The following TTN variants were observed in gnomAD, a reference collection of about 807,000 sequenced individuals.
The protein encoded by TTN is titin.
TTN carries 1,525 observed loss-of-function variants against 3,223.0 expected under a neutral mutation model. That is an observed-to-expected ratio of 0.47 (90% CI 0.45 to 0.49). TTN has a LOEUF of 0.49. TTN is among the 20% of genes least tolerant of loss of function. The probability of loss-of-function intolerance (pLI) is 0.00; values close to 1 mark genes in which losing one functional copy is unlikely to be tolerated. For missense variants in TTN, 40,786 were observed against 43,424.0 expected, an observed-to-expected ratio of 0.94 and a Z score of 5.40; for synonymous variants, 14,094 against 15,161.0, an observed-to-expected ratio of 0.93 and a Z score of 5.17.
At position 178,706,973 on chromosome 2, in the gene TTN, G is replaced by A. The variant is rs1430170268; in HGVS notation, c.29042-19C>T. ...GGTTTGTCTGAAAAAACATTTACAT[G>A]TTTTGTTACTACAATCACCTCAGAA... On this transcript the variant is annotated intron_variant, in intron 100 of 362. Coordinates refer to ENST00000589042, the MANE Select transcript of TTN (RefSeq NM_001267550.2). The A allele has an allele frequency of 6.3e-7, 1 of 1,584,034 alleles. No homozygotes were observed. Among genetic ancestry groups the A allele is most frequent in the East Asian group, 2.3e-5 (1 of 44,202 alleles).
At position 178,715,582 on chromosome 2, in the gene TTN, T is replaced by C. The variant is rs779262321; in HGVS notation, c.25832A>G (p.Asn8611Ser). The change falls in exon 89 of 363, where the codon AAT becomes AGT. Residue 8611 changes from asparagine (N) to serine (S), a missense_variant. Asn to Ser is a conservative substitution (Grantham distance 46). Transcript: ENST00000589042. Reference protein sequence around the residue: ...VDSVAVLEMHNLSVEDSGDYT... With the variant: ...VDSVAVLEMHSLSVEDSGDYT... ...GTCTCCACTGTCTTCAACACTGAGATTGTGCATTTCCAGCACAGCCACCGA... is the reference window on the plus strand; with the variant it reads ...GTCTCCACTGTCTTCAACACTGAGACTGTGCATTTCCAGCACAGCCACCGA... The C allele has an allele frequency of 2.2e-5, 35 of 1,613,460 alleles. No homozygotes were observed. In the East Asian group the frequency reaches 6.5e-4, roughly 30 times the overall value.
rs376616067 is a variant in TTN at position 178,563,448 on chromosome 2, A to G, written c.82684T>C (p.Tyr27562His). 96 of 1,613,628 alleles carry G rather than the reference A, an allele frequency of 5.9e-5. No individual in the cohort carries two copies. In the African/African-American group the frequency reaches 9.6e-4, roughly 16 times the overall value. Residue 27562 changes from tyrosine (Y) to histidine (H), a missense_variant, in exon 326 of 363, where the codon TAC (tyrosine) becomes CAC (histidine). By Grantham distance (83) the Tyr-to-His change is moderately conservative. Transcript: ENST00000589042. This position sits in a 1 kb window ranked among gnomAD's most constrained non-coding sequence, Gnocchi z 4.5. ...VGEPSEPSVF[Y>H]RACDALYPPG... ...GGATACAAGGCATCACACGCACGGT[A>G]GAAAACAGATGGCTCACTAGGTTCT...
At position 178,566,853 on chromosome 2, in the gene TTN, C is replaced by T. The variant is rs1157004476; in HGVS notation, c.79279G>A (p.Asp26427Asn). 6.2e-7 allele frequency: 1 copy of T among 1,613,450 alleles called. No homozygotes were observed. The change falls in exon 326 of 363, where the codon GAC (aspartate) becomes AAC (asparagine). Residue 26427 changes from aspartate (D) to asparagine (N), a missense_variant. Coordinates refer to ENST00000589042, the MANE Select transcript of TTN (RefSeq NM_001267550.2). ...TTTATCCATCGAATGCCACTTCTGT[C>T]TCTTTTCTCTACAATGTAACCAATA... ...EIIGYIVEKR[D>N]RSGIRWIKCN...
At chr2:178,628,190 T>TTTG (rs753053226) in intron 240 of TTN, among the ~76,000 whole-genome samples, 13 of 152,004 alleles carry the variant, frequency 8.6e-5, no homozygotes, top group Admixed American at 3.3e-4. Flanking sequence ...GAATACTAGT[T>TTTG]TTGTTGTTGT....
intron 11 of TTN, 58 bp downstream of exon 11, chr2:178,790,650 G>T: frequency 1.2e-6 from 2 of 1,612,410 alleles, no homozygotes. Context: ...TGAAAATGTA[G>T]GTGATTTGCA....
At position 178,564,636 on chromosome 2, in the gene TTN, C is replaced by T; in HGVS notation, c.81496G>A (p.Val27166Ile). ...GKPSKVSECF[V>I]ARDPCDPPGR... ...GGTGGGTCACATGGATCACGAGCAA[C>T]AAAGCATTCTGACACTTTGCTAGGC... Residue 27166 changes from valine (V) to isoleucine (I), a missense_variant, in exon 326 of 363, where the codon GTT becomes ATT. Physicochemically the swap from Val to Ile is conservative, Grantham distance 29. Coordinates refer to ENST00000589042, the MANE Select transcript of TTN (RefSeq NM_001267550.2). 2 of 1,613,550 alleles carry T rather than the reference C, an allele frequency of 1.2e-6. No individual in the cohort carries two copies. Among genetic ancestry groups the T allele is most frequent in the South Asian group, 1.1e-5 (1 of 91,076 alleles).
At position 178,729,759 on chromosome 2, in the gene TTN, A is replaced by G; in HGVS notation, c.18494T>C (p.Ile6165Thr). Residue 6165 changes from isoleucine (I) to threonine (T), a missense_variant, in exon 63 of 363, where the codon ATT (isoleucine) becomes ACT (threonine). Coordinates refer to ENST00000589042, the MANE Select transcript of TTN (RefSeq NM_001267550.2). ...ACTATTTTCTACCCTGGCACCAGAA[A>G]TCTGGAAAGTGGCTAAACCATCAAT... ...SFIDGLATFQISGARVENSGT... is the reference protein window; with the variant it reads ...SFIDGLATFQTSGARVENSGT... 1 of 1,613,776 alleles carries G rather than the reference A, an allele frequency of 6.2e-7. No individual in the cohort carries two copies. The highest frequency in any genetic ancestry group is 8.5e-7 in the Non-Finnish European group (1 of 1,179,750).
At chr2:178,685,188 A>C in intron 129 of TTN, 65 bp downstream of exon 129, 1 of 1,369,958 alleles carries the variant, frequency 7.3e-7, no homozygotes, top group Non-Finnish European at 1.0e-6. Context: ...CAGTTATGCA[A>C]ATGTGAAGGT....
intron 298 of TTN, 35 bp from the exon 299 acceptor site, chr2:178,593,510 A>C: frequency 1.3e-6 from 2 of 1,597,118 alleles, no homozygotes; most frequent in East Asian, 2.2e-5. Context: ...TTAGAAATTT[A>C]TTTCTTTATA....
In TTN at chr2:178,532,390, C is replaced by T. The variant is rs765636638; in HGVS notation, c.104225G>A (p.Ser34742Asn). The T allele has an allele frequency of 2.5e-6, 4 of 1,613,972 alleles. No individual in the cohort carries two copies. The South Asian group carries it at 4.4e-5, about 18-fold the overall frequency. Residue 34742 changes from serine (S) to asparagine (N), a missense_variant, in exon 358 of 363, where the codon AGT becomes AAT. Coordinates refer to ENST00000589042, the MANE Select transcript of TTN (RefSeq NM_001267550.2). The stretch of plus-strand genomic sequence containing the variant: ...ATGCCGTTCCCTCAGTTCTGCATAA[C>T]TTGTACTAGCTTCAGCCTTCGTTGG... ...HIPTKAEAST[S>N]YAELRERHAQ...
chr2:178,621,282 CT>C lies in TTN; in HGVS notation c.45435del (p.Glu15146LysfsTer31), dbSNP rs1292229247. ...CTCTTCCACTGGACTGGAAAGCTTT[CT>C]TTTGATATAGAGCAGACAAATTCAG... Reference protein sequence around the residue: ...EKAEFVCSISKESFPVQWKRD... With the variant: ...EKAEFVCSISXESFPVQWKRD... On this transcript the variant is annotated frameshift_variant, in exon 246 of 363. Coordinates refer to ENST00000589042, the MANE Select transcript of TTN (RefSeq NM_001267550.2). LOFTEE classifies it high-confidence loss of function. 1 of 1,612,200 alleles carries C rather than the reference CT, an allele frequency of 6.2e-7. No homozygotes were observed. The highest frequency in any genetic ancestry group is 1.1e-5 in the South Asian group (1 of 91,028).
In TTN at chr2:178,565,511, T is replaced by G; in HGVS notation, c.80621A>C (p.Lys26874Thr). The G allele has an allele frequency of 2.5e-6, 4 of 1,613,520 alleles. No homozygotes were observed. The highest frequency in any genetic ancestry group is 3.4e-6 in the Non-Finnish European group (4 of 1,179,606). Residue 26874 changes from lysine (K) to threonine (T), a missense_variant, in exon 326 of 363, where the codon AAG becomes ACG. Lys to Thr is a moderately conservative substitution (Grantham distance 78, BLOSUM62 -1). Transcript: ENST00000589042. ...TAAACTAGGCTGTATAGTCAAGTCC[T>G]TGGCTATGACAGGAACACCCAACAC... Reference protein sequence around the residue: ...PRVLGVPVIAKDLTIQPSLKL... With the variant: ...PRVLGVPVIATDLTIQPSLKL...
Position 178,571,436 on chromosome 2 carries a change from G to A in TTN, c.74696C>T (p.Pro24899Leu), listed in dbSNP as rs1708138833. Residue 24899 changes from proline (P) to leucine (L), a missense_variant, in exon 326 of 363, where the codon CCT becomes CTT. Physicochemically the swap from Pro to Leu is moderately conservative, Grantham distance 98. Coordinates refer to ENST00000589042, the MANE Select transcript of TTN (RefSeq NM_001267550.2). The part of the protein sequence containing the change: ...YGKSTYLNSE[P>L]TVAQYPFKVP... ...TTTGAATGGATATTGGGCTACAGTA[G>A]GCTCTGAATTGAGGTAGGTACTCTT... The A allele has an allele frequency of 1.2e-6, 2 of 1,613,330 alleles. No homozygotes were observed. The highest frequency in any genetic ancestry group is 1.7e-6 in the Non-Finnish European group (2 of 1,179,592).
At position 178,541,600 on chromosome 2, in the gene TTN, G is replaced by C. The variant is rs1328453811; in HGVS notation, c.97493-16C>G. On this transcript the variant is annotated splice_polypyrimidine_tract_variant and intron_variant, in intron 349 of 362. Transcript: ENST00000589042. Reference sequence around the variant, plus strand: ...CCAGGAATACCTGCAGCAAGACAGAGGTTAACACGATATGGCAATATGAAT... The same window carrying C: ...CCAGGAATACCTGCAGCAAGACAGACGTTAACACGATATGGCAATATGAAT... 9.4e-6 allele frequency: 15 copies of C among 1,590,956 alleles called. No homozygotes were observed. Among genetic ancestry groups the C allele is most frequent in the Non-Finnish European group, 1.2e-5 (14 of 1,166,442 alleles).
At chr2:178,698,304 TC>T (rs1027294430) in intron 112 of TTN, among the ~76,000 whole-genome samples, 1 of 152,232 alleles carries the variant, frequency 6.6e-6, no homozygotes, top group African/African-American at 2.4e-5. Context: ...TTTCTTGAGA[TC>T]TGTTGCACAG....
In TTN at chr2:178,533,932, C is replaced by G; in HGVS notation, c.102683G>C (p.Gly34228Ala). The G allele has an allele frequency of 6.2e-7, 1 of 1,613,868 alleles. No individual in the cohort carries two copies. The highest frequency in any genetic ancestry group is 1.6e-4 in the Middle Eastern group (1 of 6,062). The change falls in exon 358 of 363, where the codon GGT (glycine) becomes GCT (alanine). Residue 34228 changes from glycine to alanine, a missense_variant. By Grantham distance (60) the Gly-to-Ala change is moderately conservative. Coordinates refer to ENST00000589042, the MANE Select transcript of TTN (RefSeq NM_001267550.2). ...DSSYAELFVK[G>A]VREVYDYYCR... ...GTAATAGTCATAGACTTCTCTCACA[C>G]CTTTAACAAATAGCTCTGCATAAGA...
rs199632397 is a variant in TTN, at chr2:178,529,076, C to G, written c.106675G>C (p.Glu35559Gln). Residue 35559 changes from glutamate to glutamine, a missense_variant, in exon 360 of 363, where the codon GAA becomes CAA. Coordinates refer to ENST00000589042, the MANE Select transcript of TTN (RefSeq NM_001267550.2). ...EIKMSEAKSQEKLALKEEASK... is the reference protein window; with the variant it reads ...EIKMSEAKSQQKLALKEEASK... Reference sequence around the variant, plus strand: ...GCTTCCTCTTTGAGGGCTAACTTTTCTTGAGATTTTGCCTCTGACATCTTA... The same window carrying G: ...GCTTCCTCTTTGAGGGCTAACTTTTGTTGAGATTTTGCCTCTGACATCTTA... 3.7e-4 allele frequency: 599 copies of G among 1,613,336 alleles called. 3 individuals are homozygous for G. Among genetic ancestry groups the G allele is most frequent in the Middle Eastern group, 3.0e-3 (18 of 6,060 alleles).
rs1328376090 is a variant in TTN at position 178,557,750 on chromosome 2, GTTTCATGAC to G, written c.87595_87603del (p.Val29199_Lys29201del). The G allele has an allele frequency of 1.2e-6, 2 of 1,613,838 alleles. No homozygotes were observed. The highest frequency in any genetic ancestry group is 1.7e-6 in the Non-Finnish European group (2 of 1,179,860). On this transcript the variant is annotated inframe_deletion, in exon 328 of 363. Coordinates refer to ENST00000589042, the MANE Select transcript of TTN (RefSeq NM_001267550.2). ...AATTGGTATTCTTCTCCTGTGGTCA[GTTTCATGAC>G]TTTCATCATGGTTCTTGCAACTGTT...
At position 178,564,096 on chromosome 2, in the gene TTN, G is replaced by A. The variant is rs886042331; in HGVS notation, c.82036C>T (p.Gln27346Ter). Residue 27346 changes from glutamine to a stop codon, truncating the protein, a stop_gained, in exon 326 of 363, where the codon CAA becomes TAA. Coordinates refer to ENST00000589042, the MANE Select transcript of TTN (RefSeq NM_001267550.2). LOFTEE classifies it high-confidence loss of function. ...ACATTGCTGAGTTTCAGAATATATT[G>A]TCCTCCATCAGTCCGTATACAGTCT... ...VKDCIRTDGG[Q>*]YILKLSNVGG... 6.2e-7 allele frequency: 1 copy of A among 1,613,664 alleles called. No homozygotes were observed. The highest frequency in any genetic ancestry group is 8.5e-7 in the Non-Finnish European group (1 of 1,179,708).
Sources: gnomAD v4.1 joint callset for allele counts (sites outside exome capture counted in the v4.1 genomes callset) on GRCh38, gnomAD v4.1.1 for gene constraint, Gnocchi (gnomAD v3.1) non-coding constraint, MANE v1.5 for transcripts, NCBI Gene and HGNC (gene_info 2026-07-23, HGNC 2026-07-21) for gene names.